Variants in ACTR6 observed in about 807,000 individuals in gnomAD.
ACTR6 encodes the protein actin-related protein 6.
A neutral mutation model predicts 52.5 loss-of-function variants in ACTR6; 50 were observed. The ratio of observed to expected loss-of-function variants is 0.95; its 90% CI spans 0.76 to 1.20. The LOEUF is 1.20. ACTR6 is among the 50% of genes most tolerant of loss of function. ACTR6 has a pLI of 0.00. For missense variants in ACTR6, 344 were observed against 472.4 expected (o/e 0.73, Z 2.52); for synonymous variants, 135 against 147.2 (o/e 0.92, Z 0.60).
At position 100,212,295 on chromosome 12, in the gene ACTR6, A is replaced by C; in HGVS notation, c.612A>C (p.Gln204His). Residue 204 changes from glutamine (Q) to histidine (H), a missense_variant, in exon 7 of 11, where the codon CAA becomes CAC. By Grantham distance (24) the Gln-to-His change is conservative. Coordinates refer to ENST00000188312, the MANE Select transcript of ACTR6 (RefSeq NM_022496.5). ...TGGATGAAACACATGTGATTAATCAAGTGAAAGAAGATGTATGCTATGTGT... is the reference window on the plus strand; with the variant it reads ...TGGATGAAACACATGTGATTAATCACGTGAAAGAAGATGTATGCTATGTGT... The part of the protein sequence containing the change: ...HVMDETHVIN[Q>H]VKEDVCYVSQ... The C allele has an allele frequency of 2.5e-6, 4 of 1,612,202 alleles. No individual in the cohort carries two copies. The highest frequency in any genetic ancestry group is 3.4e-6 in the Non-Finnish European group (4 of 1,179,310).
chr12:100,207,886 C>G, intron 4 of ACTR6, 100 bp downstream of exon 4: 1 of 1,348,174 alleles, frequency 7.4e-7, no homozygotes, highest in Non-Finnish European at 1.0e-6. Context: ...TCTTGGCTAG[C>G]ACAGTGGCTA....
rs767285938 is a variant in ACTR6, at chr12:100,207,940, C to A, written c.379+154C>A. On this transcript the variant is annotated intron_variant, in intron 4 of 10. Transcript: ENST00000188312. The stretch of plus-strand genomic sequence containing the variant: ...GTTTGGGAGGCTGAGGCGAGTAGAT[C>A]ACTTGAGTTTAGGATTTGAGATCAG... 3.2e-5 allele frequency: 23 copies of A among 712,246 alleles called. No homozygotes were observed. The African/African-American group carries it at 3.5e-4, about 11-fold the overall frequency. The allele number at this position is 712,246 out of a possible 1,614,324, so 44.1% of individuals were successfully genotyped here.
At position 100,222,257 on chromosome 12, in the gene ACTR6, G is replaced by GTTTT. The variant is rs35143045; in HGVS notation, c.1062-1513_1062-1510dup. On this transcript the variant is annotated intron_variant, in intron 10 of 10. Transcript: ENST00000188312. ...TGTGAGCTACTGCGCCTGGCTTTGG[G>GTTTT]TTTTTTTTTTTTTTTTTTTGAGACA... 6.5e-5 allele frequency among the ~76,000 whole-genome samples: 8 copies of GTTTT among 123,448 alleles called. 1 individual carries two copies. Among genetic ancestry groups the GTTTT allele is most frequent in the Non-Finnish European group, 3.3e-5 (2 of 60,060 alleles). The allele number at this position is 123,448 out of a possible 152,430, so 81.0% of individuals were successfully genotyped here. A position where few individuals can be genotyped will look rare whatever the true frequency, so the allele number is the denominator to read the frequency against.
intron 1 of ACTR6, chr12:100,204,343 A>T (rs1257472105): frequency 6.6e-6 from 1 of 151,774 alleles, no homozygotes; most frequent in Non-Finnish European, 1.5e-5. Context: ...CCTGATTCGT[A>T]TTTTTCTCTT....
chr12:100,221,580 G>A (rs1354960195), intron 10 of ACTR6: 1 of 151,882 alleles, frequency 6.6e-6, no homozygotes, highest in Non-Finnish European at 1.5e-5. Context: ...AAATATATGT[G>A]TATACTTATA....
At chr12:100,221,325 G>A (rs1453935078) in intron 10 of ACTR6, among the ~76,000 whole-genome samples, 1 of 152,228 alleles carries the variant, frequency 6.6e-6, no homozygotes, top group East Asian at 1.9e-4. Flanking sequence ...TCCAAAATCA[G>A]CAAGTTAATA....
chr12:100,209,188 T>G (rs1046653061), intron 4 of ACTR6, among the ~76,000 whole-genome samples: 5 of 152,218 alleles, frequency 3.3e-5, no homozygotes, highest in African/African-American at 1.2e-4. Flanking sequence ...ATTTAAATAT[T>G]TAACTTTCAG....
chr12:100,211,624 A>AAT (rs151244612), intron 6 of ACTR6, among the ~76,000 whole-genome samples: 1,916 of 150,212 alleles, frequency 0.013, 31 homozygotes, highest in African/African-American at 0.042. Flanking sequence ...GTCAGCTTAA[A>AAT]ATATATATAT....
At chr12:100,219,706 T>C (rs775364678) in intron 9 of ACTR6, among the ~76,000 whole-genome samples, 20 of 152,194 alleles carry the variant, frequency 1.3e-4, no homozygotes, top group Admixed American at 4.6e-4. Context: ...TTTACTACAG[T>C]GTCACTCATT....
intron 6 of ACTR6, among the ~76,000 whole-genome samples, chr12:100,211,799 T>C (rs1475834828): frequency 6.6e-6 from 1 of 152,160 alleles, no homozygotes; most frequent in African/African-American, 2.4e-5. Context: ...TTGTTTATTT[T>C]TAAACATCTT....
intron 4 of ACTR6, chr12:100,208,741 ATTGT>A (rs774272298): frequency 4.4e-5 from 20 of 455,578 alleles, no homozygotes; most frequent in Middle Eastern, 3.2e-4. Context: ...TGCAATTATT[ATTGT>A]TTGTTTGTTT....
In ACTR6 at chr12:100,205,721, C is replaced by A; in HGVS notation, c.232C>A (p.Leu78Ile). 6.6e-7 allele frequency: 1 copy of A among 1,516,390 alleles called. No individual in the cohort carries two copies. The highest frequency in any genetic ancestry group is 2.5e-5 in the East Asian group (1 of 40,146). The allele number at this position is 1,516,390 out of a possible 1,614,324, so 93.9% of individuals were successfully genotyped here. ...TGTTCAGAGACAAGTTTGGGATTACCTTTTTGGAAAAGAAATGTATCAGGT... is the reference window on the plus strand; with the variant it reads ...TGTTCAGAGACAAGTTTGGGATTACATTTTTGGAAAAGAAATGTATCAGGT... Reference protein sequence around the residue: ...WDVQRQVWDYLFGKEMYQVDF... With the variant: ...WDVQRQVWDYIFGKEMYQVDF... Residue 78 changes from leucine to isoleucine, a missense_variant, in exon 3 of 11, where the codon CTT (leucine) becomes ATT (isoleucine). Leu to Ile is a conservative substitution (Grantham distance 5, BLOSUM62 2). Coordinates refer to ENST00000188312, the MANE Select transcript of ACTR6 (RefSeq NM_022496.5).
At chr12:100,220,282 T>G in intron 10 of ACTR6, 136 bp downstream of exon 10, 2 of 868,502 alleles carry the variant, frequency 2.3e-6, no homozygotes, top group Non-Finnish European at 3.5e-6. Flanking sequence ...TTTTCTTCTT[T>G]CAAAAATTGA....
intron 9 of ACTR6, among the ~76,000 whole-genome samples, chr12:100,219,160 T>TAAAAAA (rs563553340): frequency 8.5e-6 from 1 of 117,940 alleles, no homozygotes; most frequent in Non-Finnish European, 1.8e-5. Context: ...TTCCTCTCAT[T>TAAAAAA]AAAAAAAAAA....
intron 6 of ACTR6, 50 bp downstream of exon 6, chr12:100,210,401 C>A: frequency 6.5e-7 from 1 of 1,543,742 alleles, no homozygotes; most frequent in South Asian, 1.1e-5. Flanking sequence ...GGGGAGGAAC[C>A]TTTTACAGTA....
At chr12:100,223,333 T>C (rs2096129804) in intron 10 of ACTR6, among the ~76,000 whole-genome samples, 2 of 151,576 alleles carry the variant, frequency 1.3e-5, no homozygotes, top group Non-Finnish European at 2.9e-5. Context: ...AGAGTGAGAC[T>C]CCGTCTCAAA....
chr12:100,201,403 T>C (rs565402321), intron 1 of ACTR6, among the ~76,000 whole-genome samples: 1 of 152,352 alleles, frequency 6.6e-6, no homozygotes, highest in African/African-American at 2.4e-5. Flanking sequence ...GTAAGGTCAA[T>C]TAAACAGAAG....
At chr12:100,219,557 G>T (rs930812827) in intron 9 of ACTR6, among the ~76,000 whole-genome samples, 1 of 152,166 alleles carries the variant, frequency 6.6e-6, no homozygotes, top group Non-Finnish European at 1.5e-5. Context: ...ATGAGATAAT[G>T]TGGAGATTTG....
At position 100,223,884 on chromosome 12, in the gene ACTR6, ATAGCGTCTGT is replaced by A; in HGVS notation, c.1161_1170del (p.His387GlnfsTer12). The A allele has an allele frequency of 1.9e-6, 3 of 1,610,582 alleles. No homozygotes were observed. The highest frequency in any genetic ancestry group is 2.5e-6 in the Non-Finnish European group (3 of 1,179,138). The stretch of plus-strand genomic sequence containing the variant: ...AGAGAAGATTACGAAGAAAATGGAC[ATAGCGTCTGT>A]GAAGAGAAATTTGATATTTAAGCAA... On this transcript the variant is annotated frameshift_variant, in exon 11 of 11. Transcript: ENST00000188312. LOFTEE classifies it high-confidence loss of function.
Sources: allele counts gnomAD v4.1 joint callset (sites outside exome capture counted in the v4.1 genomes callset), GRCh38; gene constraint gnomAD v4.1.1; transcripts MANE v1.5; gene names NCBI Gene and HGNC (gene_info 2026-07-23, HGNC 2026-07-21).